The following CSMD1 variants were observed in gnomAD, a reference collection of about 807,000 sequenced individuals.
CSMD1 encodes the protein CUB and sushi domain-containing protein 1.
In CSMD1, 213 loss-of-function variants were observed where a neutral mutation model predicts 417.5. The ratio of observed to expected loss-of-function variants is 0.51; its 90% CI spans 0.46 to 0.57. The LOEUF (loss-of-function observed/expected upper bound fraction) is 0.57, where lower values mean the gene tolerates loss of function less well. Ranked by LOEUF, CSMD1 falls within the 20% of genes least tolerant of loss-of-function variation. The pLI is 0.00. For synonymous variants in CSMD1, 2,862 were observed against 1,736.8 expected (o/e 1.65, Z -16.11); for missense variants, 6,923 against 4,529.7 (o/e 1.53, Z -15.17).
chr8:3,452,702 T>C (rs981214434), intron 12 of CSMD1, among the ~76,000 whole-genome samples: 2 of 152,212 alleles, frequency 1.3e-5, no homozygotes, highest in Admixed American at 1.3e-4. Context: ...TTTGATGTGC[T>C]TCTTGATTTG....
chr8:4,165,042 T>C (rs1392065213), intron 3 of CSMD1, among the ~76,000 whole-genome samples: 1 of 152,150 alleles, frequency 6.6e-6, no homozygotes, highest in Non-Finnish European at 1.5e-5. Flanking sequence ...GTTTCTGTAT[T>C]GGTAGAGGCT....
chr8:4,389,004 G>A (rs1803659233), intron 3 of CSMD1, among the ~76,000 whole-genome samples: 1 of 152,132 alleles, frequency 6.6e-6, no homozygotes, highest in African/African-American at 2.4e-5. Flanking sequence ...TAATTGTTCA[G>A]GTGTGACCTA....
chr8:4,044,830 C>G (rs974267314), intron 3 of CSMD1, among the ~76,000 whole-genome samples: 4 of 152,356 alleles, frequency 2.6e-5, no homozygotes, highest in African/African-American at 9.6e-5. Flanking sequence ...CGATGAGTAG[C>G]ACCCCAGGCT....
chr8:4,519,735 T>A (rs1803327174), intron 2 of CSMD1, among the ~76,000 whole-genome samples: 1 of 70,148 alleles, frequency 1.4e-5, no homozygotes, highest in Non-Finnish European at 2.4e-5. Flanking sequence ...AGAGTCAGAC[T>A]TCATCTCAAA....
intron 26 of CSMD1, among the ~76,000 whole-genome samples, chr8:3,280,549 T>C (rs1310844269): frequency 6.6e-6 from 1 of 152,220 alleles, no homozygotes; most frequent in African/African-American, 2.4e-5. Context: ...TGAGTATTTC[T>C]GAAAATTTAT....
chr8:3,457,474 A>T (rs1305849195), intron 12 of CSMD1, among the ~76,000 whole-genome samples: 2 of 152,204 alleles, frequency 1.3e-5, no homozygotes, highest in African/African-American at 4.8e-5. Flanking sequence ...TTAAAGCAAG[A>T]GGTGATCTAA....
intron 45 of CSMD1, among the ~76,000 whole-genome samples, chr8:3,107,470 C>G (rs1314988295): frequency 6.6e-6 from 1 of 152,006 alleles, no homozygotes; most frequent in African/African-American, 2.4e-5. Flanking sequence ...AATGTTCAAA[C>G]TGACATCAAA....
At chr8:3,638,415 G>C (rs879555083) in intron 7 of CSMD1, among the ~76,000 whole-genome samples, 12 of 151,496 alleles carry the variant, frequency 7.9e-5, no homozygotes, top group African/African-American at 2.2e-4. Flanking sequence ...AAAGGTCCTA[G>C]TTTTGCCCAC....
intron 3 of CSMD1, among the ~76,000 whole-genome samples, chr8:4,329,380 C>T (rs148615486): frequency 1.7e-3 from 253 of 152,188 alleles, no homozygotes; most frequent in African/African-American, 5.8e-3. Flanking sequence ...CCTCTGTCTC[C>T]CAGGTACAAG....
At chr8:4,440,715 G>A (rs1035971837) in intron 2 of CSMD1, among the ~76,000 whole-genome samples, 1 of 152,206 alleles carries the variant, frequency 6.6e-6, no homozygotes, top group South Asian at 2.1e-4. Context: ...ATTAATTCTG[G>A]CCGGGTGTGG....
chr8:4,980,683 A>G (rs1011287632), intron 1 of CSMD1, among the ~76,000 whole-genome samples: 5 of 152,158 alleles, frequency 3.3e-5, no homozygotes, highest in African/African-American at 1.2e-4. Context: ...TTGGTGGATC[A>G]CTTGAGATCA....
At chr8:2,982,725 A>T (rs1313437080) in intron 54 of CSMD1, among the ~76,000 whole-genome samples, 2 of 152,230 alleles carry the variant, frequency 1.3e-5, no homozygotes, top group African/African-American at 4.8e-5. Context: ...TCTTGGGGAC[A>T]GGAAGCAAGG....
In CSMD1 at chr8:3,162,124, T is replaced by A. The variant is rs373355479; in HGVS notation, c.5844+35A>T. 1.2e-5 allele frequency: 16 copies of A among 1,306,980 alleles called. No individual in the cohort carries two copies. The African/African-American group carries it at 2.2e-4, about 18-fold the overall frequency. The allele number at this position is 1,306,980 out of a possible 1,614,324, so 81.0% of individuals were successfully genotyped here. On this transcript the variant is annotated intron_variant, in intron 38 of 69. Coordinates refer to ENST00000635120, the MANE Select transcript of CSMD1 (RefSeq NM_033225.6). Reference sequence around the variant, plus strand: ...AGAGAGCTGCACAAAGATGACCATGTGTATGTTATTCCTGAGCACTGAGAA... The same window carrying A: ...AGAGAGCTGCACAAAGATGACCATGAGTATGTTATTCCTGAGCACTGAGAA...
chr8:4,294,345 C>G (rs1797547453), intron 3 of CSMD1, among the ~76,000 whole-genome samples: 1 of 152,116 alleles, frequency 6.6e-6, no homozygotes, highest in Non-Finnish European at 1.5e-5. Flanking sequence ...AAAATAAACC[C>G]AAGATTCTAG....
intron 6 of CSMD1, among the ~76,000 whole-genome samples, chr8:3,709,063 C>T (rs1801342476): frequency 1.3e-5 from 2 of 151,854 alleles, no homozygotes; most frequent in African/African-American, 4.8e-5. Flanking sequence ...GCAAAAGGCA[C>T]AGAGGTCCTG....
intron 3 of CSMD1, among the ~76,000 whole-genome samples, chr8:4,140,458 T>C (rs1385298908): frequency 6.6e-6 from 1 of 150,452 alleles, no homozygotes; most frequent in Non-Finnish European, 1.5e-5. Context: ...AGATCAAACA[T>C]TTGCACTCCA....
At position 3,266,361 on chromosome 8, in the gene CSMD1, T is replaced by C. The variant is rs181698131; in HGVS notation, c.4153+17783A>G. On this transcript the variant is annotated intron_variant, in intron 26 of 69. Transcript: ENST00000635120. ...TGGCTCACACCTGTAATCCCAGCAC[T>C]GTGGGAGGCTGAGGCGGGTGGATCA... is the stretch of plus-strand genomic sequence containing the variant. Among the ~76,000 whole-genome samples, 169 of 151,534 alleles carry C rather than the reference T, an allele frequency of 1.1e-3. 1 individual carries two copies. Among genetic ancestry groups the C allele is most frequent in the African/African-American group, 4.1e-3 (168 of 41,356 alleles).
intron 5 of CSMD1, among the ~76,000 whole-genome samples, chr8:3,895,682 A>C (rs531554370): frequency 7.9e-5 from 12 of 152,320 alleles, no homozygotes; most frequent in African/African-American, 2.6e-4. Context: ...TTTATAATCC[A>C]AGTATTTGTA....
chr8:3,972,136 G>A (rs1298905269), intron 5 of CSMD1, among the ~76,000 whole-genome samples: 1 of 152,124 alleles, frequency 6.6e-6, no homozygotes, highest in Non-Finnish European at 1.5e-5. Flanking sequence ...CGGCGAAAGT[G>A]CTGGGATGAC....
Sources: allele counts gnomAD v4.1 joint callset (sites outside exome capture counted in the v4.1 genomes callset), GRCh38; gene constraint gnomAD v4.1.1; transcripts MANE v1.5; gene names NCBI Gene and HGNC (gene_info 2026-07-23, HGNC 2026-07-21).